MKLN1: variants seen among roughly 807,000 people sequenced by gnomAD.
The protein encoded by MKLN1 is muskelin 1.
A neutral mutation model predicts 99.0 loss-of-function variants in MKLN1; 18 were observed. The observed-to-expected ratio is 0.18, with a 90% CI of 0.13 to 0.27. MKLN1 has a LOEUF of 0.27. Ranked by LOEUF, MKLN1 falls within the 10% of genes least tolerant of loss-of-function variation. The pLI, the probability that MKLN1 is intolerant of heterozygous loss-of-function variation, is 1.00. For synonymous variants in MKLN1, 288 were observed against 293.2 expected, an observed-to-expected ratio of 0.98 and a Z score of 0.18; for missense variants, 621 against 875.9, an observed-to-expected ratio of 0.71 and a Z score of 3.67.
intron 11 of MKLN1, among the ~76,000 whole-genome samples, chr7:131,444,768 GTA>G (rs1795955949): frequency 2.2e-5 from 1 of 46,238 alleles, no homozygotes; most frequent in Admixed American, 1.9e-4. Flanking sequence ...AGAAGAAGTA[GTA>G]GTAGTAGTAG....
chr7:131,217,532 T>A (rs1286613377), intron 3 of MKLN1, among the ~76,000 whole-genome samples: 1 of 148,056 alleles, frequency 6.8e-6, no homozygotes. Context: ...ACCCTGTCTC[T>A]ACTAAAAATA....
intron 3 of MKLN1, among the ~76,000 whole-genome samples, chr7:131,245,265 G>A (rs561750688): frequency 1.3e-5 from 2 of 148,372 alleles, no homozygotes; most frequent in East Asian, 2.0e-4. Flanking sequence ...ATTATTATAC[G>A]GTCTTTTTTT....
intron 3 of MKLN1, among the ~76,000 whole-genome samples, chr7:131,249,788 T>G (rs1461429982): frequency 6.6e-6 from 1 of 151,976 alleles, no homozygotes; most frequent in African/African-American, 2.4e-5. Flanking sequence ...GGGGTTGTTG[T>G]GGCTGACATC....
chr7:131,326,017 G>T (rs1276135457), upstream of MKLN1, among the ~76,000 whole-genome samples: 1 of 151,998 alleles, frequency 6.6e-6, no homozygotes, highest in Non-Finnish European at 1.5e-5. Context: ...AGCTTAAGAA[G>T]AACTAATTAA....
At position 131,338,074 on chromosome 7, in the gene MKLN1, A is replaced by G. The variant is rs10276548; in HGVS notation, c.98+10077A>G. On this transcript the variant is annotated intron_variant, in intron 1 of 17. Coordinates refer to ENST00000352689, the MANE Select transcript of MKLN1 (RefSeq NM_013255.5). ...AACTTGGTAGCCCCCTAGAGATCTCAATTAAGAGATTGGGTATTTTTAGGG... is the reference window on the plus strand; with the variant it reads ...AACTTGGTAGCCCCCTAGAGATCTCGATTAAGAGATTGGGTATTTTTAGGG... Among the ~76,000 whole-genome samples the G allele has an allele frequency of 6.7e-3, 1,013 of 152,262 alleles. 6 individuals carry two copies. The highest frequency in any genetic ancestry group is 0.023 in the African/African-American group (938 of 41,554).
At chr7:131,392,200 G>GTAGGGT in intron 4 of MKLN1, among the ~76,000 whole-genome samples, 1 of 152,280 alleles carries the variant, frequency 6.6e-6, no homozygotes, top group African/African-American at 2.4e-5. Flanking sequence ...AGGGCAAAAA[G>GTAGGGT]AGGTACAGGG....
intron 14 of MKLN1, among the ~76,000 whole-genome samples, chr7:131,465,616 G>A (rs965129360): frequency 6.6e-6 from 1 of 151,924 alleles, no homozygotes; most frequent in Non-Finnish European, 1.5e-5. Flanking sequence ...TCTGCTCACT[G>A]CAAGCTCTGC....
At chr7:131,165,035 A>G (rs1028736468) in intron 2 of MKLN1, among the ~76,000 whole-genome samples, 6 of 152,188 alleles carry the variant, frequency 3.9e-5, no homozygotes, top group African/African-American at 1.2e-4. Context: ...GAGTAGTGGA[A>G]TAGAACTTAT....
intron 17 of MKLN1, among the ~76,000 whole-genome samples, chr7:131,481,049 T>TA (rs2116686650): frequency 6.6e-6 from 1 of 152,312 alleles, no homozygotes; most frequent in South Asian, 2.1e-4. Flanking sequence ...ATTTGGATTC[T>TA]AAACAAACCT....
At chr7:131,317,586 A>T (rs1282126915) in intron 3 of MKLN1, among the ~76,000 whole-genome samples, 1 of 152,006 alleles carries the variant, frequency 6.6e-6, no homozygotes, top group Admixed American at 6.6e-5. Context: ...TGATGACAGG[A>T]TCAAATTCAC....
At chr7:131,469,243 C>T (rs1391534380) in intron 15 of MKLN1, among the ~76,000 whole-genome samples, 4 of 152,070 alleles carry the variant, frequency 2.6e-5, no homozygotes, top group East Asian at 1.9e-4. Flanking sequence ...GCCAGACGGA[C>T]GGACGGACAG....
intron 2 of MKLN1, among the ~76,000 whole-genome samples, chr7:131,200,978 A>G (rs1184898043): frequency 2.0e-5 from 3 of 151,860 alleles, no homozygotes; most frequent in East Asian, 1.9e-4. Context: ...TTAAAGCCCT[A>G]CTTCCAAAAC....
At chr7:131,486,047 A>G (rs949893781) in intron 17 of MKLN1, among the ~76,000 whole-genome samples, 5 of 151,974 alleles carry the variant, frequency 3.3e-5, no homozygotes, top group African/African-American at 4.8e-5. Context: ...AAAACTCCCA[A>G]ATAGTTCTGC....
At chr7:131,201,244 T>A (rs1416050910) in intron 2 of MKLN1, among the ~76,000 whole-genome samples, 1 of 152,168 alleles carries the variant, frequency 6.6e-6, no homozygotes, top group Non-Finnish European at 1.5e-5. Flanking sequence ...GGTCTCAAAT[T>A]CCTGACCTCA....
At chr7:131,111,528 A>G (rs1795199131) in intron 1 of MKLN1, among the ~76,000 whole-genome samples, 1 of 152,246 alleles carries the variant, frequency 6.6e-6, no homozygotes. Context: ...CCTCTTGGAA[A>G]GAAATCTTTG....
intron 3 of MKLN1, among the ~76,000 whole-genome samples, chr7:131,289,204 G>GC (rs1177733431): frequency 2.0e-5 from 3 of 152,158 alleles, no homozygotes; most frequent in Non-Finnish European, 4.4e-5. Flanking sequence ...GGCCTAAATG[G>GC]CTTTGTTTGG....
chr7:131,283,861 T>A (rs1179124235), intron 3 of MKLN1, among the ~76,000 whole-genome samples: 2 of 152,244 alleles, frequency 1.3e-5, no homozygotes, highest in Non-Finnish European at 2.9e-5. Context: ...TAAACCTGTA[T>A]GTAAATAGTG....
At chr7:131,404,674 G>A (rs936580395) in intron 6 of MKLN1, among the ~76,000 whole-genome samples, 38 of 151,392 alleles carry the variant, frequency 2.5e-4, no homozygotes, top group African/African-American at 9.2e-4. Context: ...GCACAGTCAC[G>A]GCTCACTACA....
intron 2 of MKLN1, among the ~76,000 whole-genome samples, chr7:131,380,536 A>T (rs1563320385): frequency 6.6e-6 from 1 of 152,224 alleles, no homozygotes; most frequent in East Asian, 1.9e-4. Context: ...AGTATACTTT[A>T]TGTAAAGTAG....
Sources: allele counts gnomAD v4.1 joint callset (sites outside exome capture counted in the v4.1 genomes callset), GRCh38; gene constraint gnomAD v4.1.1; transcripts MANE v1.5; gene names NCBI Gene and HGNC (gene_info 2026-07-23, HGNC 2026-07-21).